Variants in RAB5A observed in about 807,000 individuals in gnomAD.
RAB5A encodes the protein ras-related protein Rab-5A.
A neutral mutation model predicts 25.7 loss-of-function variants in RAB5A; 8 were observed. The observed-to-expected ratio is 0.31, with a 90% CI of 0.18 to 0.56. RAB5A has a LOEUF of 0.56. Among genes scored for constraint, RAB5A ranks in the 20% least tolerant of loss-of-function variants. RAB5A has a pLI of 0.91. For missense variants in RAB5A, 192 were observed against 259.7 expected, an observed-to-expected ratio of 0.74 and a Z score of 1.79; for synonymous variants, 98 against 89.8, an observed-to-expected ratio of 1.09 and a Z score of -0.52.
Position 19,976,149 on chromosome 3 carries a change from A to G in RAB5A, c.418A>G (p.Lys140Glu). The change falls in exon 4 of 6, where the codon AAA becomes GAA. Residue 140 changes from lysine to glutamate, a missense_variant. By Grantham distance (56) the Lys-to-Glu change is moderately conservative (BLOSUM62 1). Around this residue, in one of 3 missense-constraint regions of RAB5A, gnomAD observed 121 missense variants for 135.7 expected, o/e 0.89. Transcript: ENST00000273047. Reference protein sequence around the residue: ...LSGNKADLANKRAVDFQEAQS... With the variant: ...LSGNKADLANERAVDFQEAQS... ...GGGAAACAAGGCCGACCTAGCAAAT[A>G]AAAGAGCAGTAGATTTCCAGGTATG... The G allele has an allele frequency of 1.2e-6, 2 of 1,609,960 alleles. No individual in the cohort carries two copies. The highest frequency in any genetic ancestry group is 2.2e-5 in the East Asian group (1 of 44,648).
intron 2 of RAB5A, among the ~76,000 whole-genome samples, chr3:19,972,137 T>A (rs1293865557): frequency 1.3e-5 from 2 of 152,206 alleles, no homozygotes; most frequent in Non-Finnish European, 2.9e-5. Flanking sequence ...TTCTGATGAG[T>A]CAGTGTACAT....
At chr3:19,956,086 A>G (rs1222026947) in intron 2 of RAB5A, among the ~76,000 whole-genome samples, 2 of 152,120 alleles carry the variant, frequency 1.3e-5, no homozygotes, top group Non-Finnish European at 1.5e-5. Flanking sequence ...CTTAGGGAGT[A>G]CCCATAGTTT....
chr3:19,949,215 T>C (rs1489249194), intron 1 of RAB5A, among the ~76,000 whole-genome samples: 1 of 152,206 alleles, frequency 6.6e-6, no homozygotes, highest in South Asian at 2.1e-4. Flanking sequence ...AATAAATCTG[T>C]AAATATTTCA....
intron 2 of RAB5A, among the ~76,000 whole-genome samples, chr3:19,962,804 T>G (rs1479092340): frequency 6.8e-6 from 1 of 147,558 alleles, no homozygotes; most frequent in Non-Finnish European, 1.5e-5. Flanking sequence ...CCAGTGTGTT[T>G]GGTTTCTCTT....
intron 2 of RAB5A, chr3:19,970,593 C>T (rs1269111267): frequency 2.4e-5 from 11 of 456,246 alleles, no homozygotes; most frequent in Admixed American, 7.1e-5. Context: ...AATATGGGCC[C>T]GAAAAGAAAA....
At chr3:19,975,473 A>T in intron 2 of RAB5A, 128 bp from the exon 3 acceptor site, 1 of 817,898 alleles carries the variant, frequency 1.2e-6, no homozygotes, top group East Asian at 2.9e-5. Flanking sequence ...TTTAACTGAC[A>T]CATAATAGTT....
In RAB5A at chr3:19,961,910, A is replaced by T. The variant is rs1431452854; in HGVS notation, c.163+10849A>T. 2.0e-5 allele frequency among the ~76,000 whole-genome samples: 3 copies of T among 152,254 alleles called. No individual in the cohort carries two copies. The East Asian group carries it at 5.8e-4, about 29-fold the overall frequency. On this transcript the variant is annotated intron_variant, in intron 2 of 5. Transcript: ENST00000273047. The stretch of plus-strand genomic sequence containing the variant: ...TGTTCTAGTTATCTATTGCTGAGAC[A>T]CAAATGACTCCTCCAAAATGTAGAG...
chr3:19,966,918 C>G (rs75850741), intron 2 of RAB5A, among the ~76,000 whole-genome samples: 3,974 of 152,226 alleles, frequency 0.026, 160 homozygotes, highest in African/African-American at 0.09. Flanking sequence ...ATTCTTCTGC[C>G]TGTACCTCCC....
intron 2 of RAB5A, among the ~76,000 whole-genome samples, chr3:19,973,907 C>T (rs1045553677): frequency 3.9e-5 from 6 of 152,044 alleles, no homozygotes; most frequent in Admixed American, 1.3e-4. Flanking sequence ...TCTCTATCAA[C>T]GTCACTAGAT....
intron 2 of RAB5A, among the ~76,000 whole-genome samples, chr3:19,972,070 C>A (rs1005995653): frequency 4.6e-5 from 7 of 151,948 alleles, no homozygotes; most frequent in Admixed American, 3.3e-4. Flanking sequence ...CTCCCAAATT[C>A]TTCGAGCATC....
Position 19,967,562 on chromosome 3 carries a change from G to A in RAB5A, c.164-8039G>A, listed in dbSNP as rs538990461. Among the ~76,000 whole-genome samples, 6 of 152,288 alleles carry A rather than the reference G, an allele frequency of 3.9e-5. No homozygotes were observed. The South Asian group carries it at 1.0e-3, about 26-fold the overall frequency. ...GCTCATTGATTTTTAAGAGTGAATT[G>A]TAGATAAACTAGTATAGATCACCTC... On this transcript the variant is annotated intron_variant, in intron 2 of 5. Coordinates refer to ENST00000273047, the MANE Select transcript of RAB5A (RefSeq NM_004162.5).
chr3:19,962,522 T>C (rs1480577331), intron 2 of RAB5A, among the ~76,000 whole-genome samples: 1 of 152,018 alleles, frequency 6.6e-6, no homozygotes, highest in Non-Finnish European at 1.5e-5. Flanking sequence ...TAAGCTGAGA[T>C]TGCACCACTG....
chr3:19,948,764 T>G (rs759408693), intron 1 of RAB5A, among the ~76,000 whole-genome samples: 5 of 151,670 alleles, frequency 3.3e-5, no homozygotes, highest in African/African-American at 4.9e-5. Context: ...TTAATGGGAG[T>G]CTGATATTTT....
chr3:19,948,067 C>G (rs1396765937), intron 1 of RAB5A, among the ~76,000 whole-genome samples: 2 of 152,162 alleles, frequency 1.3e-5, no homozygotes, highest in Non-Finnish European at 2.9e-5. Flanking sequence ...TCAAAATAGG[C>G]TGTCTAGAGA....
At chr3:19,947,674 G>T (rs1330857083) in intron 1 of RAB5A, 153 bp downstream of exon 1, 1 of 152,382 alleles carries the variant, frequency 6.6e-6, no homozygotes. Flanking sequence ...TATCGAACCC[G>T]GCGTCTTGTT....
intron 2 of RAB5A, among the ~76,000 whole-genome samples, chr3:19,968,098 C>T (rs73032495): frequency 0.017 from 2,617 of 152,278 alleles, 37 homozygotes; most frequent in Middle Eastern, 0.034. Flanking sequence ...CAATCTCTAA[C>T]TTGAATTTTT....
At chr3:19,960,896 G>A (rs540210179) in intron 2 of RAB5A, among the ~76,000 whole-genome samples, 18 of 152,302 alleles carry the variant, frequency 1.2e-4, no homozygotes, top group Admixed American at 3.3e-4. Flanking sequence ...CAAAGAAGAA[G>A]TGGGTAATCT....
chr3:19,953,433 A>G (rs1696453565), intron 2 of RAB5A, among the ~76,000 whole-genome samples: 1 of 138,106 alleles, frequency 7.2e-6, no homozygotes, highest in South Asian at 2.3e-4. Flanking sequence ...TTTTTTGGAG[A>G]CAAGGTCTCT....
chr3:19,975,804 T>G (rs1696816902), intron 3 of RAB5A, 52 bp downstream of exon 3: 1 of 1,517,920 alleles, frequency 6.6e-7, no homozygotes. Flanking sequence ...CCACTTTTGG[T>G]GTTCAGAATT....
Sources: gnomAD v4.1 joint callset for allele counts (sites outside exome capture counted in the v4.1 genomes callset) on GRCh38, gnomAD v4.1.1 for gene constraint, gnomAD v4.1.1 regional missense constraint, MANE v1.5 for transcripts, NCBI Gene and HGNC (gene_info 2026-07-23, HGNC 2026-07-21) for gene names.